The following NR2F1-AS1 variants were observed in gnomAD, a reference collection of about 807,000 sequenced individuals.
The protein encoded by NR2F1-AS1 is NR2F1 antisense RNA 1.
At chr5:93,557,964 T>A (rs970941941) in intron 2 of NR2F1-AS1, among the ~76,000 whole-genome samples, 2 of 152,156 alleles carry the variant, frequency 1.3e-5, no homozygotes, top group African/African-American at 4.8e-5. Context: ...AGAAACCACT[T>A]TTTTTTCCTC....
intron 4 of NR2F1-AS1, among the ~76,000 whole-genome samples, chr5:93,520,949 A>C (rs534597146): frequency 6.6e-6 from 1 of 152,324 alleles, no homozygotes; most frequent in African/African-American, 2.4e-5. Context: ...TACATTTTAC[A>C]TGTTGTATTC....
intron 4 of NR2F1-AS1, among the ~76,000 whole-genome samples, chr5:93,549,453 G>T (rs1267726821): frequency 6.6e-6 from 1 of 152,130 alleles, no homozygotes; most frequent in Non-Finnish European, 1.5e-5. Flanking sequence ...TTACATGGGG[G>T]TAAGTAAAGC....
At chr5:93,444,308 C>T (rs1749642330) in intron 4 of NR2F1-AS1, among the ~76,000 whole-genome samples, 1 of 152,156 alleles carries the variant, frequency 6.6e-6, no homozygotes, top group Non-Finnish European at 1.5e-5. Flanking sequence ...GGAGACTCAT[C>T]TCAGGTGCAG....
At chr5:93,578,220 C>T (rs1752939343) in intron 1 of NR2F1-AS1, among the ~76,000 whole-genome samples, 1 of 152,188 alleles carries the variant, frequency 6.6e-6, no homozygotes. Context: ...CTGTGCTTCT[C>T]TTCCTCTCTC....
rs557407784 is a variant in NR2F1-AS1, at chr5:93,434,412, ATTG to A, written n.639-38873_639-38871del. ...GAACTCCTGTTTGTGTTTGACCCAC[ATTG>A]TTAACATTTTGCCACAATTGCTGTA... is the stretch of plus-strand genomic sequence containing the variant. On this transcript the variant is annotated intron_variant and non_coding_transcript_variant, in intron 4 of 5. Coordinates refer to ENST00000660523, the Ensembl canonical transcript of NR2F1-AS1. Among the ~76,000 whole-genome samples, 5 of 152,262 alleles carry A rather than the reference ATTG, an allele frequency of 3.3e-5. No individual in the cohort carries two copies. In the South Asian group the frequency reaches 1.0e-3, roughly 32 times the overall value.
At chr5:93,447,545 T>C (rs1436831426) in intron 4 of NR2F1-AS1, among the ~76,000 whole-genome samples, 6 of 152,030 alleles carry the variant, frequency 3.9e-5, no homozygotes, top group Non-Finnish European at 2.9e-5. Context: ...CATTAAAAAG[T>C]CAGGAAACAA....
In NR2F1-AS1 at chr5:93,493,791, C is replaced by T. The variant is rs948295255; in HGVS notation, n.638+59970G>A. On this transcript the variant is annotated intron_variant and non_coding_transcript_variant, in intron 4 of 5. Coordinates refer to ENST00000660523, the Ensembl canonical transcript of NR2F1-AS1. ...AAATGATGCAGGAACAAATGTATAA[C>T]CACAAACAATAAAGTTGGACTCCTA... is the stretch of plus-strand genomic sequence containing the variant. Among the ~76,000 whole-genome samples, 4 of 151,790 alleles carry T rather than the reference C, an allele frequency of 2.6e-5. No homozygotes were observed. The South Asian group carries it at 6.2e-4, about 24-fold the overall frequency.
At chr5:93,527,468 CT>C (rs1475737268) in intron 4 of NR2F1-AS1, among the ~76,000 whole-genome samples, 2 of 152,184 alleles carry the variant, frequency 1.3e-5, no homozygotes, top group Non-Finnish European at 2.9e-5. Flanking sequence ...CTACCATTGA[CT>C]TTCCTCACAG....
intron 4 of NR2F1-AS1, chr5:93,410,967 T>C (rs549147552): frequency 6.6e-6 from 1 of 152,162 alleles, no homozygotes; most frequent in Non-Finnish European, 1.5e-5. Flanking sequence ...TGTTAGGAGT[T>C]TTTTTGGATT....
At chr5:93,530,045 AG>A (rs1751701441) in intron 4 of NR2F1-AS1, among the ~76,000 whole-genome samples, 1 of 146,496 alleles carries the variant, frequency 6.8e-6, no homozygotes, top group African/African-American at 2.5e-5. Flanking sequence ...TTTAGATTAG[AG>A]GGCCTGCCTC....
intron 2 of NR2F1-AS1, among the ~76,000 whole-genome samples, chr5:93,561,898 T>C (rs1752496684): frequency 6.6e-6 from 1 of 152,212 alleles, no homozygotes; most frequent in Non-Finnish European, 1.5e-5. Flanking sequence ...TTTCGAAATA[T>C]GAATGTGCTT....
At chr5:93,496,514 G>A (rs143766798) in intron 4 of NR2F1-AS1, among the ~76,000 whole-genome samples, 1 of 151,990 alleles carries the variant, frequency 6.6e-6, no homozygotes, top group Admixed American at 6.6e-5. Context: ...TTCTTACCTT[G>A]GATATTATGA....
chr5:93,468,907 C>G (rs1176443171), intron 4 of NR2F1-AS1, among the ~76,000 whole-genome samples: 2 of 152,126 alleles, frequency 1.3e-5, no homozygotes, highest in Non-Finnish European at 2.9e-5. Flanking sequence ...GCAGGGAATC[C>G]TTTCCCCATT....
intron 4 of NR2F1-AS1, among the ~76,000 whole-genome samples, chr5:93,492,847 A>T (rs569999551): frequency 1.6e-4 from 19 of 121,930 alleles, no homozygotes; most frequent in Non-Finnish European, 2.6e-4. Context: ...ATTTCATGAT[A>T]AAAAAAAAAA....
At chr5:93,520,032 G>C (rs1325019704) in intron 4 of NR2F1-AS1, among the ~76,000 whole-genome samples, 2 of 151,944 alleles carry the variant, frequency 1.3e-5, no homozygotes, top group Admixed American at 6.6e-5. Flanking sequence ...GCTTTAAAAA[G>C]ACAAATTCAC....
chr5:93,446,420 G>A (rs1044408356), intron 4 of NR2F1-AS1, among the ~76,000 whole-genome samples: 1 of 152,098 alleles, frequency 6.6e-6, no homozygotes, highest in Non-Finnish European at 1.5e-5. Flanking sequence ...GACAAACAGA[G>A]AGCCAAATCA....
intron 4 of NR2F1-AS1, among the ~76,000 whole-genome samples, chr5:93,491,295 G>A (rs1750843154): frequency 6.6e-6 from 1 of 150,694 alleles, no homozygotes; most frequent in African/African-American, 2.4e-5. Flanking sequence ...AAGAGTGGTA[G>A]TGTTGGTGGT....
chr5:93,581,949 CTCTCTCTCT>C (rs975550857), upstream of NR2F1-AS1, among the ~76,000 whole-genome samples: 1 of 118,470 alleles, frequency 8.4e-6, no homozygotes, highest in Non-Finnish European at 1.8e-5. Context: ...TCTCTCTCTC[CTCTCTCTCT>C]GGGTCTCTCT....
chr5:93,573,923 G>A (rs1260766899), intron 1 of NR2F1-AS1, among the ~76,000 whole-genome samples: 2 of 152,192 alleles, frequency 1.3e-5, no homozygotes, highest in Non-Finnish European at 2.9e-5. Flanking sequence ...CACCCATCCA[G>A]AGTAATTAGC....
Sources: gnomAD v4.1 joint callset for allele counts (sites outside exome capture counted in the v4.1 genomes callset) on GRCh38, gnomAD v4.1.1 for gene constraint, MANE v1.5 for transcripts, NCBI Gene and HGNC (gene_info 2026-07-23, HGNC 2026-07-21) for gene names.